The following PIGU variants were observed in gnomAD, a reference collection of about 807,000 sequenced individuals.
The protein encoded by PIGU is GPI-anchor transamidase component PIGU.
A neutral mutation model predicts 49.9 loss-of-function variants in PIGU; 24 were observed. The observed-to-expected ratio is 0.48, with a 90% CI of 0.35 to 0.68. The LOEUF is 0.68. Among genes scored for constraint, PIGU ranks in the 30% least tolerant of loss-of-function variants. PIGU has a pLI of 0.01. For missense variants in PIGU, 490 were observed against 532.6 expected (o/e 0.92, Z 0.79); for synonymous variants, 220 against 205.7 (o/e 1.07, Z -0.59).
rs1316423598 is a variant in PIGU, at chr20:34,616,124, C to CG, written c.544_545insC (p.Ser182ThrfsTer102). The CG allele has an allele frequency of 1.9e-5, 30 of 1,612,564 alleles. No individual in the cohort carries two copies. The Admixed American group carries it at 5.0e-4, about 27-fold the overall frequency. On this transcript the variant is annotated frameshift_variant, in exon 7 of 12. Transcript: ENST00000217446. LOFTEE classifies it high-confidence loss of function. ...TGTCGCTAAGGCAAGAAAAATAGCA[C>CG]TGAGGAAAGCACTGCCTGTAAAAAG...
At position 34,655,673 on chromosome 20, in the gene PIGU, C is replaced by CA. The variant is rs1302868927; in HGVS notation, c.195+1506dup. Among the ~76,000 whole-genome samples the CA allele has an allele frequency of 4.3e-5, 5 of 116,886 alleles. 2 individuals carry two copies. Among genetic ancestry groups the CA allele is most frequent in the Non-Finnish European group, 9.1e-5 (5 of 55,214 alleles). The allele number at this position is 116,886 out of a possible 152,430, so 76.7% of individuals were successfully genotyped here. A position where few individuals can be genotyped will look rare whatever the true frequency, so the allele number is the denominator to read the frequency against. On this transcript the variant is annotated intron_variant, in intron 2 of 11. Coordinates refer to ENST00000217446, the MANE Select transcript of PIGU (RefSeq NM_080476.5). Reference sequence around the variant, plus strand: ...TGGGTGACAGAGCAAGACTCTGTCTCAAAAAAATAAAAAAGAATGGAAAGG... The same window carrying CA: ...TGGGTGACAGAGCAAGACTCTGTCTCAAAAAAAATAAAAAAGAATGGAAAGG...
intron 7 of PIGU, 111 bp from the exon 8 acceptor site, chr20:34,588,718 A>T: frequency 9.2e-7 from 1 of 1,085,868 alleles, no homozygotes; most frequent in Non-Finnish European, 1.3e-6. Flanking sequence ...ACACAGGTTT[A>T]TAATTTTGCT....
chr20:34,565,736 G>C (rs1048435504), intron 11 of PIGU, among the ~76,000 whole-genome samples: 83 of 116,804 alleles, frequency 7.1e-4, no homozygotes, highest in African/African-American at 1.6e-3. Flanking sequence ...CACACACACA[G>C]GTGCACACAC....
intron 11 of PIGU, among the ~76,000 whole-genome samples, chr20:34,573,673 A>C (rs980940015): frequency 5.3e-5 from 8 of 152,262 alleles, no homozygotes; most frequent in African/African-American, 1.9e-4. Context: ...GATCCCAGAA[A>C]GGCAGGAGAG....
chr20:34,636,270 C>A (rs1019522496), intron 5 of PIGU, among the ~76,000 whole-genome samples: 6 of 149,036 alleles, frequency 4.0e-5, no homozygotes, highest in Non-Finnish European at 7.4e-5. Flanking sequence ...CGGCCAGGAG[C>A]AATAACTCAT....
At chr20:34,649,848 CTTTT>C (rs1243838081) in intron 2 of PIGU, among the ~76,000 whole-genome samples, 1 of 105,654 alleles carries the variant, frequency 9.5e-6, no homozygotes, top group Non-Finnish European at 2.0e-5. Flanking sequence ...CTATTACATT[CTTTT>C]TTTTTTTTTT....
At chr20:34,672,463 A>G (rs1987336920) in intron 1 of PIGU, among the ~76,000 whole-genome samples, 1 of 152,178 alleles carries the variant, frequency 6.6e-6, no homozygotes, top group Non-Finnish European at 1.5e-5. Flanking sequence ...AGGTAGATAC[A>G]TGACCCAGGC....
At chr20:34,640,979 C>T (rs1017848726) in intron 4 of PIGU, among the ~76,000 whole-genome samples, 8 of 152,130 alleles carry the variant, frequency 5.3e-5, no homozygotes, top group South Asian at 2.1e-4. Flanking sequence ...ATGCAACCTC[C>T]GCCTCCCGGG....
intron 1 of PIGU, among the ~76,000 whole-genome samples, chr20:34,661,327 A>C (rs945291972): frequency 1.1e-4 from 17 of 152,196 alleles, no homozygotes; most frequent in African/African-American, 4.1e-4. Context: ...TAAGCACAGT[A>C]CCCGACAGGT....
At chr20:34,634,825 G>T in intron 5 of PIGU, 110 bp from the exon 6 acceptor site, 1 of 1,459,774 alleles carries the variant, frequency 6.9e-7, no homozygotes, top group Non-Finnish European at 9.1e-7. Flanking sequence ...AAGGAAGGCA[G>T]CTTCTCAGAA....
chr20:34,589,906 T>C (rs577973211), intron 7 of PIGU, among the ~76,000 whole-genome samples: 1 of 152,228 alleles, frequency 6.6e-6, no homozygotes, highest in African/African-American at 2.4e-5. Flanking sequence ...TCTACCCGCC[T>C]TGGCCTCCCA....
chr20:34,607,115 G>A (rs1473499446), intron 7 of PIGU, among the ~76,000 whole-genome samples: 1 of 152,164 alleles, frequency 6.6e-6, no homozygotes, highest in East Asian at 1.9e-4. Context: ...TGGGGACTAG[G>A]GAATAATGTT....
chr20:34,618,275 T>C (rs957625457), intron 6 of PIGU, among the ~76,000 whole-genome samples: 6 of 152,156 alleles, frequency 3.9e-5, no homozygotes, highest in Non-Finnish European at 7.3e-5. Flanking sequence ...TTTGAAAAAA[T>C]AGCTATTCCC....
chr20:34,567,152 A>G (rs1431254627), intron 11 of PIGU, among the ~76,000 whole-genome samples: 1 of 152,238 alleles, frequency 6.6e-6, no homozygotes, highest in African/African-American at 2.4e-5. Context: ...CAGTTGGCAA[A>G]GTGCAGCAGC....
At chr20:34,671,941 C>A (rs185457003) in intron 1 of PIGU, among the ~76,000 whole-genome samples, 1 of 151,694 alleles carries the variant, frequency 6.6e-6, no homozygotes, top group Non-Finnish European at 1.5e-5. Flanking sequence ...AAAAAATTTT[C>A]TTTTTTTATA....
intron 7 of PIGU, among the ~76,000 whole-genome samples, chr20:34,615,748 C>T (rs6579178): frequency 2.0e-5 from 3 of 151,804 alleles, no homozygotes; most frequent in Non-Finnish European, 4.4e-5. Flanking sequence ...CTCAGTTATT[C>T]GACAGAAAAA....
At chr20:34,569,785 C>G in intron 11 of PIGU, among the ~76,000 whole-genome samples, 1 of 152,308 alleles carries the variant, frequency 6.6e-6, no homozygotes, top group East Asian at 1.9e-4. Flanking sequence ...CTGATGCCAG[C>G]TCATTCAATT....
chr20:34,658,981 C>T (rs1437319906), intron 1 of PIGU, among the ~76,000 whole-genome samples: 4 of 148,930 alleles, frequency 2.7e-5, no homozygotes, highest in Non-Finnish European at 4.5e-5. Flanking sequence ...CCAGCCGCCC[C>T]GTCCGGGAGG....
intron 1 of PIGU, among the ~76,000 whole-genome samples, chr20:34,660,884 G>A (rs191186736): frequency 1.4e-4 from 21 of 152,292 alleles, no homozygotes; most frequent in African/African-American, 5.1e-4. Flanking sequence ...AATAAGGCCT[G>A]TAATTAGTTA....
Sources: gnomAD v4.1 joint callset for allele counts (sites outside exome capture counted in the v4.1 genomes callset) on GRCh38, gnomAD v4.1.1 for gene constraint, MANE v1.5 for transcripts, NCBI Gene and HGNC (gene_info 2026-07-23, HGNC 2026-07-21) for gene names.